FRMD4A: variants seen among roughly 807,000 people sequenced by gnomAD.
FRMD4A encodes the protein FERM domain containing 4A.
In FRMD4A, 29 loss-of-function variants were observed where a neutral mutation model predicts 129.1. The ratio of observed to expected loss-of-function variants is 0.22; its 90% CI spans 0.17 to 0.31. The LOEUF (loss-of-function observed/expected upper bound fraction) is 0.31. Among genes scored for constraint, FRMD4A ranks in the 10% least tolerant of loss-of-function variants. The probability of loss-of-function intolerance (pLI) is 1.00; values close to 1 mark genes in which losing one functional copy is unlikely to be tolerated. For missense variants in FRMD4A, 1,272 were observed against 1,375.8 expected, an observed-to-expected ratio of 0.92 and a Z score of 1.19; for synonymous variants, 634 against 571.6, an observed-to-expected ratio of 1.11 and a Z score of -1.56.
At chr10:13,651,848 C>A in intron 24 of FRMD4A, 55 bp downstream of exon 24, 1 of 862,504 alleles carries the variant, frequency 1.2e-6, no homozygotes, top group Non-Finnish European at 2.0e-6. Context: ...ACAAAAGCAA[C>A]ACATGTGGGA....
At chr10:14,112,705 T>C (rs933360500) in intron 2 of FRMD4A, among the ~76,000 whole-genome samples, 1 of 152,182 alleles carries the variant, frequency 6.6e-6, no homozygotes, top group African/African-American at 2.4e-5. Flanking sequence ...TTTGTGGTTT[T>C]GGTACGGACG....
chr10:14,304,413 G>A (rs149989153), intron 2 of FRMD4A, among the ~76,000 whole-genome samples: 37 of 152,248 alleles, frequency 2.4e-4, no homozygotes, highest in African/African-American at 8.9e-4. Context: ...CAGCCGTTTT[G>A]GTGGAAATGG....
intron 2 of FRMD4A, among the ~76,000 whole-genome samples, chr10:14,280,982 ATTTTTTTTTTTTTTT>A (rs772555677): frequency 2.6e-5 from 2 of 76,524 alleles, no homozygotes; most frequent in African/African-American, 1.1e-4. Flanking sequence ...ACTGGTTTCA[ATTTTTTTTTTTTTTT>A]TTTTTTTTTT....
intron 2 of FRMD4A, among the ~76,000 whole-genome samples, chr10:14,026,615 T>TGGGCTAACTGAGCTACAGACCTTCCTAG (rs1223882873): frequency 6.6e-6 from 1 of 152,240 alleles, no homozygotes; most frequent in Non-Finnish European, 1.5e-5. Context: ...ATTTCCCTGA[T>TGGGCTAACTGAGCTACAGACCTTCCTAG]GGGCTAACTG....
At position 13,986,617 on chromosome 10, in the gene FRMD4A, T is replaced by G. The variant is rs574878149; in HGVS notation, c.46-127705A>C. ...ACATATGTAACTAACCTGCACATTG[T>G]GCACATGTACCCTAAAACTTAAAGT... On this transcript the variant is annotated intron_variant, in intron 2 of 24. Coordinates refer to ENST00000357447, the MANE Select transcript of FRMD4A (RefSeq NM_018027.5). 3.1e-3 allele frequency among the ~76,000 whole-genome samples: 454 copies of G among 147,496 alleles called. 6 individuals are homozygous for G. The highest frequency in any genetic ancestry group is 0.011 in the African/African-American group (434 of 40,226).
chr10:14,027,266 C>T (rs1833026669), intron 2 of FRMD4A, among the ~76,000 whole-genome samples: 1 of 152,160 alleles, frequency 6.6e-6, no homozygotes, highest in South Asian at 2.1e-4. Flanking sequence ...AAAGCAGTTG[C>T]CAAGAGAGAG....
At chr10:14,261,793 T>A (rs1844809697) in intron 2 of FRMD4A, among the ~76,000 whole-genome samples, 1 of 152,114 alleles carries the variant, frequency 6.6e-6, no homozygotes, top group South Asian at 2.1e-4. Flanking sequence ...GGATCGTTTT[T>A]TCCTCCTAAC....
rs1347997738 is a variant in FRMD4A at position 13,657,309 on chromosome 10, G to A, written c.2280C>T (p.Tyr760=). 4 of 1,611,334 alleles carry A rather than the reference G, an allele frequency of 2.5e-6. No homozygotes were observed. Among genetic ancestry groups the A allele is most frequent in the African/African-American group, 2.7e-5 (2 of 75,046 alleles). ...AGTAGTTGGCGTTCATCTGCGCCGG[G>A]TAGTAGTGCTCCGAGCTCGAGTGGC... The part of the protein sequence containing the change: ...CTSHSSSEHY[Y]PAQMNANYST... The change falls in exon 22 of 25, where the codon TAC becomes TAT. Residue 760 remains tyrosine (Y), a synonymous_variant. Transcript: ENST00000357447.
At chr10:14,237,339 T>TTGA (rs1843861479) in intron 2 of FRMD4A, among the ~76,000 whole-genome samples, 1 of 151,916 alleles carries the variant, frequency 6.6e-6, no homozygotes, top group South Asian at 2.1e-4. Context: ...TCTTTTTTTG[T>TTGA]TGTTGTTTTG....
At chr10:13,765,740 G>A (rs2092265244) in intron 6 of FRMD4A, among the ~76,000 whole-genome samples, 2 of 152,184 alleles carry the variant, frequency 1.3e-5, no homozygotes, top group African/African-American at 4.8e-5. Context: ...GCAGTTCCGG[G>A]ATTAGCAGGT....
intron 2 of FRMD4A, among the ~76,000 whole-genome samples, chr10:13,919,857 G>T (rs1021579582): frequency 6.6e-6 from 1 of 152,274 alleles, no homozygotes; most frequent in East Asian, 1.9e-4. Context: ...AGGATTGCTT[G>T]AACCCAAGAG....
At chr10:13,688,459 C>T (rs139411911) in intron 15 of FRMD4A, among the ~76,000 whole-genome samples, 3,000 of 152,002 alleles carry the variant, frequency 0.02, 51 homozygotes, top group African/African-American at 0.041. Context: ...ACGAGTTAAT[C>T]GGTGCAGCAC....
chr10:13,857,328 T>G (rs1372688601), intron 3 of FRMD4A, among the ~76,000 whole-genome samples: 1 of 152,040 alleles, frequency 6.6e-6, no homozygotes, highest in Admixed American at 6.6e-5. Context: ...ACTTAGAAAA[T>G]GTTAGCGAAA....
At chr10:14,105,304 G>A (rs1333159703) in intron 2 of FRMD4A, among the ~76,000 whole-genome samples, 1 of 152,150 alleles carries the variant, frequency 6.6e-6, no homozygotes, top group Non-Finnish European at 1.5e-5. Flanking sequence ...GGCGCATCAT[G>A]CCTGTAATCC....
At chr10:14,315,189 T>A (rs1193426898) in intron 2 of FRMD4A, among the ~76,000 whole-genome samples, 1 of 152,094 alleles carries the variant, frequency 6.6e-6, no homozygotes, top group Non-Finnish European at 1.5e-5. Context: ...TCTCCCCAGG[T>A]GGTTTTCATC....
intron 2 of FRMD4A, among the ~76,000 whole-genome samples, chr10:14,122,080 A>G (rs1589021847): frequency 6.6e-6 from 1 of 152,344 alleles, no homozygotes; most frequent in African/African-American, 2.4e-5. Context: ...ACTTTAGCTC[A>G]TCCCCTAACA....
chr10:14,178,054 C>A (rs983429372), intron 2 of FRMD4A, among the ~76,000 whole-genome samples: 10 of 152,154 alleles, frequency 6.6e-5, no homozygotes, highest in African/African-American at 2.2e-4. Flanking sequence ...AATTCCCTTA[C>A]CCCCTGCCCT....
intron 2 of FRMD4A, among the ~76,000 whole-genome samples, chr10:14,015,009 TCCC>T (rs2095694079): frequency 7.5e-6 from 1 of 132,978 alleles, no homozygotes; most frequent in African/African-American, 2.8e-5. Flanking sequence ...CCTTCCTTCC[TCCC>T]TCCCTCCCTT....
At chr10:13,707,716 C>G (rs1217547326) in intron 12 of FRMD4A, 17 of 985,600 alleles carry the variant, frequency 1.7e-5, no homozygotes, top group Non-Finnish European at 2.0e-5. Context: ...AACTCAAGAT[C>G]ACAGTGTGAG....
Sources: allele counts gnomAD v4.1 joint callset (sites outside exome capture counted in the v4.1 genomes callset), GRCh38; gene constraint gnomAD v4.1.1; transcripts MANE v1.5; gene names NCBI Gene and HGNC (gene_info 2026-07-23, HGNC 2026-07-21).